Variants in RFX2 observed in about 807,000 individuals in gnomAD.
RFX2 encodes the protein DNA-binding protein RFX2.
In RFX2, 20 loss-of-function variants were observed where a neutral mutation model predicts 87.8. The observed-to-expected ratio is 0.23, with a 90% confidence interval of 0.16 to 0.33. RFX2 has a LOEUF of 0.33. RFX2 is among the 10% of genes least tolerant of loss of function. The probability of loss-of-function intolerance (pLI) is 1.00; values close to 1 mark genes in which losing one functional copy is unlikely to be tolerated. For missense variants in RFX2, 767 were observed against 1,012.3 expected, an observed-to-expected ratio of 0.76 and a Z score of 3.29; for synonymous variants, 397 against 431.3, an observed-to-expected ratio of 0.92 and a Z score of 0.98.
Position 6,039,869 on chromosome 19 carries a change from C to A in RFX2, c.522+111G>T. Reference sequence around the variant, plus strand: ...ATCGTGGGGCCGCCTGGGCCCAGAGCAGACGACAGCCCCTCCGGGCCTCCG... The same window carrying A: ...ATCGTGGGGCCGCCTGGGCCCAGAGAAGACGACAGCCCCTCCGGGCCTCCG... On this transcript the variant is annotated intron_variant, in intron 5 of 17. Transcript: ENST00000303657. The surrounding 1 kb of genome is among the most constrained non-coding windows in gnomAD (Gnocchi z 5.2). 3 of 1,306,742 alleles carry A rather than the reference C, an allele frequency of 2.3e-6. No homozygotes were observed. The highest frequency in any genetic ancestry group is 3.1e-6 in the Non-Finnish European group (3 of 975,776). 80.9% of individuals were successfully genotyped at this position (1,306,742 alleles called of 1,614,324 possible).
At chr19:6,037,416 A>C (rs938745052) in intron 5 of RFX2, among the ~76,000 whole-genome samples, 5 of 152,228 alleles carry the variant, frequency 3.3e-5, no homozygotes, top group Admixed American at 3.3e-4. Context: ...ATGCCAAGAA[A>C]ACCCACAATG....
chr19:6,007,267 C>T lies in RFX2; in HGVS notation c.1248-101G>A, dbSNP rs1381702866. ...GCCGGGCTGCGGGACTTTTGCCCAA[C>T]AGTGGGGCTGGGGTTTTGCTCCCCA... On this transcript the variant is annotated intron_variant, in intron 11 of 17. Coordinates refer to ENST00000303657, the MANE Select transcript of RFX2 (RefSeq NM_000635.4). This position sits in a 1 kb window ranked among gnomAD's most constrained non-coding sequence, Gnocchi z 8.2. 1.6e-6 allele frequency: 2 copies of T among 1,267,134 alleles called. No homozygotes were observed. Among genetic ancestry groups the T allele is most frequent in the East Asian group, 4.9e-5 (2 of 41,032 alleles). 78.5% of individuals were successfully genotyped at this position (1,267,134 alleles called of 1,614,324 possible).
chr19:5,995,596 C>T lies in RFX2; in HGVS notation c.2056+5G>A. On this transcript the variant is annotated splice_donor_5th_base_variant and intron_variant, in intron 17 of 17. Coordinates refer to ENST00000303657, the MANE Select transcript of RFX2 (RefSeq NM_000635.4). ...TCGTGGTGGGAAAGCCGCAGACGCA[C>T]CTACCTTTGTCGAGCAGCGTCAGCG... is the stretch of plus-strand genomic sequence containing the variant. The T allele has an allele frequency of 6.4e-7, 1 of 1,552,102 alleles. No individual in the cohort carries two copies. The highest frequency in any genetic ancestry group is 8.7e-7 in the Non-Finnish European group (1 of 1,147,242).
intron 1 of RFX2, among the ~76,000 whole-genome samples, chr19:6,065,084 G>GA (rs1208103762): frequency 8.5e-5 from 13 of 152,300 alleles, no homozygotes; most frequent in African/African-American, 3.1e-4. Context: ...TCTAATTCCT[G>GA]AAAAATGACT....
intron 1 of RFX2, among the ~76,000 whole-genome samples, chr19:6,054,318 A>C (rs2087302984): frequency 6.6e-6 from 1 of 152,176 alleles, no homozygotes; most frequent in Non-Finnish European, 1.5e-5. Flanking sequence ...GCTATCAAAT[A>C]CTGAAAAAGG....
chr19:6,029,900 GGA>G (rs1041174642), intron 5 of RFX2, among the ~76,000 whole-genome samples: 1 of 152,128 alleles, frequency 6.6e-6, no homozygotes, highest in African/African-American at 2.4e-5. Flanking sequence ...AAAGAATCAG[GGA>G]ACTTGAAGAT....
At chr19:6,089,077 C>A (rs1382502915) in intron 1 of RFX2, among the ~76,000 whole-genome samples, 1 of 152,216 alleles carries the variant, frequency 6.6e-6, no homozygotes, top group Non-Finnish European at 1.5e-5. Flanking sequence ...AGTTCATGGG[C>A]TGTACAAAAA....
intron 1 of RFX2, among the ~76,000 whole-genome samples, chr19:6,104,980 T>C (rs901127370): frequency 4.6e-5 from 7 of 151,802 alleles, no homozygotes; most frequent in Non-Finnish European, 8.8e-5. Context: ...TAGCTGAGCG[T>C]TGTGGCACGT....
intron 5 of RFX2, among the ~76,000 whole-genome samples, chr19:6,028,290 A>C (rs2086915423): frequency 6.6e-6 from 1 of 151,872 alleles, no homozygotes; most frequent in Non-Finnish European, 1.5e-5. Flanking sequence ...ACAGAAGACA[A>C]CTCTACACAT....
In RFX2 at chr19:5,997,080, G is replaced by T; in HGVS notation, c.1993C>A (p.Pro665Thr). 1 of 1,612,342 alleles carries T rather than the reference G, an allele frequency of 6.2e-7. No homozygotes were observed. The change falls in exon 16 of 18, where the codon CCG becomes ACG. Residue 665 changes from proline (P) to threonine (T), a missense_variant. Physicochemically the swap from Pro to Thr is conservative, Grantham distance 38 (BLOSUM62 -1). Coordinates refer to ENST00000303657, the MANE Select transcript of RFX2 (RefSeq NM_000635.4). The surrounding 1 kb of genome is among the most constrained non-coding windows in gnomAD (Gnocchi z 4.2). ...CTCACCTCTCCCATCACAGCGATCGGCGTCTCTCCGGTGGCCTCCGCGACG... is the reference window on the plus strand; with the variant it reads ...CTCACCTCTCCCATCACAGCGATCGTCGTCTCTCCGGTGGCCTCCGCGACG... ...HRVAEATGET[P>T]IAVMGEFNDL...
Position 6,002,224 on chromosome 19 carries a change from G to A in RFX2, c.1651-201C>T, listed in dbSNP as rs1031606422. ...CTGAGGGGGATCGTACCCGGCTTCCGGGGACTCATACCCAGGTCTTTCTGG... is the reference window on the plus strand; with the variant it reads ...CTGAGGGGGATCGTACCCGGCTTCCAGGGACTCATACCCAGGTCTTTCTGG... On this transcript the variant is annotated intron_variant, in intron 14 of 17. Transcript: ENST00000303657. The surrounding 1 kb of genome is among the most constrained non-coding windows in gnomAD (Gnocchi z 6.7). Among the ~76,000 whole-genome samples, 3 of 152,228 alleles carry A rather than the reference G, an allele frequency of 2.0e-5. No homozygotes were observed. The highest frequency in any genetic ancestry group is 7.2e-5 in the African/African-American group (3 of 41,454).
chr19:6,105,785 G>A (rs1238320883), intron 1 of RFX2, among the ~76,000 whole-genome samples: 1 of 152,090 alleles, frequency 6.6e-6, no homozygotes, highest in Non-Finnish European at 1.5e-5. Context: ...AGGAGTCAAG[G>A]ACAGTCCTGA....
In RFX2 at chr19:6,010,216, T is replaced by A; in HGVS notation, c.935A>T (p.Asp312Val). Residue 312 changes from aspartate (D) to valine (V), a missense_variant, in exon 9 of 18, where the codon GAC becomes GTC. Physicochemically the swap from Asp to Val is radical, Grantham distance 152. Coordinates refer to ENST00000303657, the MANE Select transcript of RFX2 (RefSeq NM_000635.4). The surrounding 1 kb of genome is among the most constrained non-coding windows in gnomAD (Gnocchi z 5.0). Reference sequence around the variant, plus strand: ...GTGCAGGCCGCTGTGGGAGCCGCTGTCCCCGAGGCTGTCCGTCTTCTGGGC... The same window carrying A: ...GTGCAGGCCGCTGTGGGAGCCGCTGACCCCGAGGCTGTCCGTCTTCTGGGC... ...RPAQKTDSLGDSGSHSGLHST... is the reference protein window; with the variant it reads ...RPAQKTDSLGVSGSHSGLHST... The A allele has an allele frequency of 6.5e-7, 1 of 1,548,238 alleles. No individual in the cohort carries two copies. Among genetic ancestry groups the A allele is most frequent in the Non-Finnish European group, 8.7e-7 (1 of 1,146,950 alleles).
chr19:6,072,982 T>C, intron 1 of RFX2: 3 of 556,872 alleles, frequency 5.4e-6, no homozygotes, highest in Middle Eastern at 5.0e-4. Flanking sequence ...GGACCAGATA[T>C]TTTTTTTTCT....
chr19:6,031,573 G>C (rs541377342), intron 5 of RFX2, among the ~76,000 whole-genome samples: 3 of 151,372 alleles, frequency 2.0e-5, no homozygotes, highest in African/African-American at 7.3e-5. Context: ...GGGATTACAG[G>C]TGCCCGCCAC....
At chr19:6,003,777 T>TGAAAA (rs1318446976) in intron 13 of RFX2, among the ~76,000 whole-genome samples, 4 of 32,834 alleles carry the variant, frequency 1.2e-4, no homozygotes, top group Non-Finnish European at 2.0e-4. Flanking sequence ...AGACTCTGTC[T>TGAAAA]CAAAAAAAAA....
intron 1 of RFX2, among the ~76,000 whole-genome samples, chr19:6,094,264 A>G (rs1182524129): frequency 1.3e-5 from 2 of 152,054 alleles, no homozygotes; most frequent in Non-Finnish European, 2.9e-5. Context: ...TTTTTTTTTA[A>G]TGATGAAAAC....
At chr19:6,079,960 T>C (rs934904775) in intron 1 of RFX2, among the ~76,000 whole-genome samples, 70 of 149,760 alleles carry the variant, frequency 4.7e-4, no homozygotes, top group African/African-American at 1.6e-3. Flanking sequence ...CACGACTGTA[T>C]GTAGATTTAA....
chr19:6,072,878 A>G, intron 1 of RFX2: 2 of 1,271,116 alleles, frequency 1.6e-6, no homozygotes, highest in Non-Finnish European at 2.3e-6. Context: ...AGAACCAAGG[A>G]GTTCATCTGG....
Sources: gnomAD v4.1 joint callset for allele counts (sites outside exome capture counted in the v4.1 genomes callset) on GRCh38, gnomAD v4.1.1 for gene constraint, Gnocchi (gnomAD v3.1) non-coding constraint, MANE v1.5 for transcripts, NCBI Gene and HGNC (gene_info 2026-07-23, HGNC 2026-07-21) for gene names.